HSD17B12: variants seen among roughly 807,000 people sequenced by gnomAD.
HSD17B12 encodes very-long-chain 3-oxoacyl-CoA reductase.
HSD17B12 carries 32 observed loss-of-function variants against 39.3 expected under a neutral mutation model. The observed-to-expected ratio is 0.81, with a 90% confidence interval of 0.61 to 1.09. The LOEUF is 1.09. HSD17B12 is among the 50% of genes least tolerant of loss of function. The pLI, the probability that HSD17B12 is intolerant of heterozygous loss-of-function variation, is 0.00. For missense variants in HSD17B12, 342 were observed against 382.9 expected, an observed-to-expected ratio of 0.89 and a Z score of 0.89; for synonymous variants, 150 against 146.7, an observed-to-expected ratio of 1.02 and a Z score of -0.16.
intron 1 of HSD17B12, among the ~76,000 whole-genome samples, chr11:43,742,140 T>TATATATATATATATATA (rs1554964313): frequency 9.8e-5 from 5 of 50,920 alleles, no homozygotes; most frequent in African/African-American, 2.1e-4. Flanking sequence ...TATATATATA[T>TATATATATATATATATA]TTTTTTTTTT....
chr11:43,619,763 A>G, the HSD17B12 span, among the ~76,000 whole-genome samples: 700 of 152,320 alleles, frequency 4.6e-3, 9 homozygotes, highest in African/African-American at 0.016. Flanking sequence ...AAATATGTCA[A>G]TGAGACTTTG....
chr11:43,801,938 A>G (rs911996730), intron 4 of HSD17B12, among the ~76,000 whole-genome samples: 33 of 152,082 alleles, frequency 2.2e-4, no homozygotes, highest in African/African-American at 7.7e-4. Context: ...CTTTTCTAAT[A>G]GCCACATTTT....
chr11:43,813,826 T>C (rs1030619632), intron 4 of HSD17B12, among the ~76,000 whole-genome samples: 9 of 152,234 alleles, frequency 5.9e-5, no homozygotes, highest in African/African-American at 4.8e-5. Context: ...GTATGAATCC[T>C]AATTAAATAA....
At chr11:43,830,897 G>A (rs1476908780) in intron 6 of HSD17B12, 79 bp from the exon 7 acceptor site, 1 of 1,120,122 alleles carries the variant, frequency 8.9e-7, no homozygotes, top group East Asian at 2.4e-5. Flanking sequence ...CTTCTTTTTA[G>A]TGTGGGTGAG....
intron 6 of HSD17B12, among the ~76,000 whole-genome samples, chr11:43,825,786 C>T (rs530369436): frequency 7.7e-4 from 118 of 152,324 alleles, no homozygotes; most frequent in Non-Finnish European, 7.2e-4. Flanking sequence ...TGCCAAACGG[C>T]ATGATAACCA....
At chr11:43,808,772 T>C (rs1230014226) in intron 4 of HSD17B12, among the ~76,000 whole-genome samples, 5 of 152,254 alleles carry the variant, frequency 3.3e-5, no homozygotes, top group Non-Finnish European at 7.3e-5. Flanking sequence ...TTTAAAGTCT[T>C]GTAAACTCTC....
At chr11:43,730,999 T>TA (rs1950262176) in intron 1 of HSD17B12, among the ~76,000 whole-genome samples, 2 of 152,172 alleles carry the variant, frequency 1.3e-5, no homozygotes, top group African/African-American at 4.8e-5. Context: ...AGAATATTAT[T>TA]AAATTTTTTT....
chr11:43,647,774 T>G, the HSD17B12 span, among the ~76,000 whole-genome samples: 1 of 152,208 alleles, frequency 6.6e-6, no homozygotes, highest in African/African-American at 2.4e-5. Context: ...AAACATGGAA[T>G]GTATATTCAC....
At chr11:43,809,225 T>C (rs1305098404) in intron 4 of HSD17B12, among the ~76,000 whole-genome samples, 2 of 152,244 alleles carry the variant, frequency 1.3e-5, no homozygotes, top group Admixed American at 6.5e-5. Flanking sequence ...AACATATTAC[T>C]ACGTCCCAGG....
chr11:43,661,820 T>C, the HSD17B12 span, among the ~76,000 whole-genome samples: 9 of 152,340 alleles, frequency 5.9e-5, no homozygotes, highest in African/African-American at 1.7e-4. Context: ...TTAAAAGTTA[T>C]ATTGAAATTA....
the HSD17B12 span, among the ~76,000 whole-genome samples, chr11:43,594,995 A>G: frequency 6.6e-6 from 1 of 152,186 alleles, no homozygotes; most frequent in Non-Finnish European, 1.5e-5. Flanking sequence ...GCCCATTATT[A>G]TGTGGCCTTG....
chr11:43,572,545 A>C, the HSD17B12 span, among the ~76,000 whole-genome samples: 1 of 152,314 alleles, frequency 6.6e-6, no homozygotes, highest in Non-Finnish European at 1.5e-5. Context: ...TGTAACTTCA[A>C]GTTCTAAGAC....
intron 6 of HSD17B12, among the ~76,000 whole-genome samples, chr11:43,816,862 G>A (rs552262807): frequency 2.0e-5 from 3 of 151,970 alleles, no homozygotes; most frequent in Non-Finnish European, 2.9e-5. Context: ...TGAGAACACA[G>A]GATGTTGGTT....
chr11:43,690,390 A>T (rs1481602598), intron 1 of HSD17B12, among the ~76,000 whole-genome samples: 5,671 of 14,444 alleles, frequency 0.39, 1,309 homozygotes, highest in South Asian at 0.54. Flanking sequence ...ATATATATAT[A>T]TATATATATA....
chr11:43,590,672 G>A, the HSD17B12 span, among the ~76,000 whole-genome samples: 10 of 151,046 alleles, frequency 6.6e-5, no homozygotes, highest in East Asian at 1.4e-3. Context: ...CACCATGTCC[G>A]GCTAATTTTT....
intron 3 of HSD17B12, among the ~76,000 whole-genome samples, chr11:43,762,938 T>A (rs561959755): frequency 6.6e-6 from 1 of 152,190 alleles, no homozygotes; most frequent in South Asian, 2.1e-4. Flanking sequence ...GGTGTTGAGC[T>A]TCTCTTATTG....
chr11:43,814,518 G>T (rs751495295), intron 4 of HSD17B12, among the ~76,000 whole-genome samples: 141 of 152,050 alleles, frequency 9.3e-4, no homozygotes, highest in Non-Finnish European at 1.6e-3. Context: ...TCTTTCCAGG[G>T]CTGGGGAAAA....
At chr11:43,850,654 C>T (rs1259575540) in intron 9 of HSD17B12, among the ~76,000 whole-genome samples, 3 of 152,246 alleles carry the variant, frequency 2.0e-5, no homozygotes, top group African/African-American at 7.2e-5. Context: ...TTTCAGGCAT[C>T]TTTCTTTCCA....
At chr11:43,609,769 C>G in the HSD17B12 span, among the ~76,000 whole-genome samples, 1 of 152,226 alleles carries the variant, frequency 6.6e-6, no homozygotes, top group African/African-American at 2.4e-5. Context: ...CATTAACTAT[C>G]TCTGCCAGGT....
Sources: allele counts gnomAD v4.1 joint callset (sites outside exome capture counted in the v4.1 genomes callset), GRCh38; gene constraint gnomAD v4.1.1; transcripts MANE v1.5; gene names NCBI Gene and HGNC (gene_info 2026-07-23, HGNC 2026-07-21).